Variants in CLASP2 observed in about 807,000 individuals in gnomAD.
The protein encoded by CLASP2 is cytoplasmic linker associated protein 2, also known as CLIP-associating protein 2.
A neutral mutation model predicts 194.4 loss-of-function variants in CLASP2; 47 were observed. The ratio of observed to expected loss-of-function variants is 0.24; its 90% CI spans 0.19 to 0.31. CLASP2 has a LOEUF of 0.31. Among genes scored for constraint, CLASP2 ranks in the 10% least tolerant of loss-of-function variants. CLASP2 has a pLI of 1.00. For synonymous variants in CLASP2, 619 were observed against 633.5 expected (o/e 0.98, Z 0.34); for missense variants, 1,445 against 1,823.6 (o/e 0.79, Z 3.78).
At chr3:33,579,694 C>A (rs958412930) in intron 23 of CLASP2, among the ~76,000 whole-genome samples, 3 of 152,070 alleles carry the variant, frequency 2.0e-5, no homozygotes, top group Non-Finnish European at 4.4e-5. Flanking sequence ...GAGTTTTTCA[C>A]GTATTTCTCA....
intron 29 of CLASP2, among the ~76,000 whole-genome samples, chr3:33,551,692 A>C (rs1021583344): frequency 3.3e-5 from 5 of 152,136 alleles, no homozygotes; most frequent in African/African-American, 1.2e-4. Context: ...TTTGTTTTTC[A>C]CACACAATCA....
Position 33,560,871 on chromosome 3 carries a change from T to C in CLASP2, c.2867A>G (p.Lys956Arg). The C allele has an allele frequency of 6.2e-7, 1 of 1,613,992 alleles. No individual in the cohort carries two copies. Among genetic ancestry groups the C allele is most frequent in the South Asian group, 1.1e-5 (1 of 91,078 alleles). ...AGATCCAAGCAAATCAGCACCCATT[T>C]TTTTTAGTAGTTGTGTCAGCAGTAC... ...LFVLLTQLLK[K>R]MGADLLGSVQ... is the part of the protein sequence containing the mutation. Residue 956 changes from lysine to arginine, a missense_variant, in exon 28 of 39, where the codon AAA (lysine) becomes AGA (arginine). By Grantham distance (26) the Lys-to-Arg change is conservative. Transcript: ENST00000682230.
chr3:33,572,911 A>G (rs1019882933), intron 25 of CLASP2, among the ~76,000 whole-genome samples, 199 bp downstream of exon 25: 3 of 139,538 alleles, frequency 2.1e-5, no homozygotes, highest in Non-Finnish European at 4.7e-5. Context: ...AGAACAAATA[A>G]TTTTTTTTTT....
At chr3:33,509,692 G>A (rs1310137539) in intron 37 of CLASP2, among the ~76,000 whole-genome samples, 1 of 152,016 alleles carries the variant, frequency 6.6e-6, no homozygotes, top group African/African-American at 2.4e-5. Flanking sequence ...ATATTAGTCA[G>A]CCATTAAAAT....
At chr3:33,696,993 A>G in intron 1 of CLASP2, 60 bp from the exon 2 acceptor site, 1 of 911,376 alleles carries the variant, frequency 1.1e-6, no homozygotes, top group Non-Finnish European at 1.7e-6. Context: ...TAATATCAGT[A>G]TTTAATTTTT....
At chr3:33,531,573 C>T (rs1405334564) in intron 34 of CLASP2, among the ~76,000 whole-genome samples, 5 of 152,208 alleles carry the variant, frequency 3.3e-5, no homozygotes, top group East Asian at 3.9e-4. Context: ...GTCAGGAGTT[C>T]GAGACCAGCC....
chr3:33,677,551 T>C (rs561607330), intron 6 of CLASP2, among the ~76,000 whole-genome samples: 2 of 100,682 alleles, frequency 2.0e-5, no homozygotes, highest in Admixed American at 1.3e-4. Context: ...CTGGGGACTG[T>C]TGTGGGGTGG....
At chr3:33,695,856 A>G (rs1209291767) in intron 2 of CLASP2, among the ~76,000 whole-genome samples, 1 of 152,200 alleles carries the variant, frequency 6.6e-6, no homozygotes, top group Non-Finnish European at 1.5e-5. Context: ...ATGCTGCTAT[A>G]TAATAGGATC....
intron 26 of CLASP2, among the ~76,000 whole-genome samples, chr3:33,569,918 G>C (rs1462820293): frequency 1.3e-5 from 2 of 151,986 alleles, no homozygotes; most frequent in South Asian, 4.2e-4. Flanking sequence ...AATGAGATGT[G>C]CAACAATAAA....
At chr3:33,592,010 G>A (rs1181529304) in intron 21 of CLASP2, among the ~76,000 whole-genome samples, 3 of 152,170 alleles carry the variant, frequency 2.0e-5, no homozygotes, top group Admixed American at 6.5e-5. Context: ...AAGTTTCTGA[G>A]TAGAATGTGA....
intron 6 of CLASP2, among the ~76,000 whole-genome samples, chr3:33,680,431 A>AGAGGCTAG (rs930163742): frequency 6.6e-6 from 1 of 152,226 alleles, no homozygotes; most frequent in African/African-American, 2.4e-5. Flanking sequence ...TGATAATGGG[A>AGAGGCTAG]GAGGCTAGGC....
chr3:33,680,173 G>C lies in CLASP2; in HGVS notation c.644+4186C>G, dbSNP rs560924274. Reference sequence around the variant, plus strand: ...TGTAACTATATGGAGACAGTAAAAAGATGAATGTTGCCAAGGATTAGGCCA... The same window carrying C: ...TGTAACTATATGGAGACAGTAAAAACATGAATGTTGCCAAGGATTAGGCCA... On this transcript the variant is annotated intron_variant, in intron 6 of 38. Transcript: ENST00000682230. Among the ~76,000 whole-genome samples, 9 of 152,312 alleles carry C rather than the reference G, an allele frequency of 5.9e-5. No individual in the cohort carries two copies. In the South Asian group the frequency reaches 1.7e-3, roughly 28 times the overall value.
chr3:33,618,774 T>C (rs2076636831), intron 12 of CLASP2, among the ~76,000 whole-genome samples: 1 of 152,218 alleles, frequency 6.6e-6, no homozygotes, highest in South Asian at 2.1e-4. Context: ...AAAGTACACA[T>C]TAAATTGCTA....
intron 19 of CLASP2, among the ~76,000 whole-genome samples, chr3:33,596,338 C>G (rs1274950402): frequency 6.6e-6 from 1 of 152,052 alleles, no homozygotes; most frequent in Non-Finnish European, 1.5e-5. Context: ...TGTCATATCA[C>G]TTAATAGACT....
intron 1 of CLASP2, among the ~76,000 whole-genome samples, chr3:33,702,688 G>C (rs940391643): frequency 3.9e-5 from 6 of 152,068 alleles, no homozygotes; most frequent in African/African-American, 1.4e-4. Context: ...GAAAATAATT[G>C]TAAAACATAT....
chr3:33,507,408 G>C (rs2048567511), intron 37 of CLASP2, among the ~76,000 whole-genome samples: 1 of 152,202 alleles, frequency 6.6e-6, no homozygotes. Flanking sequence ...TCTATTCTCT[G>C]AACTTCCTTT....
At chr3:33,544,384 G>C (rs1169478951) in intron 31 of CLASP2, among the ~76,000 whole-genome samples, 1 of 152,132 alleles carries the variant, frequency 6.6e-6, no homozygotes, top group Non-Finnish European at 1.5e-5. Context: ...TTCATCTAAA[G>C]AGCATGTCCT....
intron 35 of CLASP2, among the ~76,000 whole-genome samples, chr3:33,516,416 C>T (rs1342026582): frequency 2.6e-5 from 4 of 152,016 alleles, no homozygotes; most frequent in African/African-American, 4.8e-5. Flanking sequence ...GCCAGTAATC[C>T]CAGCTCTTTG....
intron 8 of CLASP2, among the ~76,000 whole-genome samples, chr3:33,635,932 A>C (rs2080050633): frequency 6.6e-6 from 1 of 152,212 alleles, no homozygotes; most frequent in South Asian, 2.1e-4. Context: ...ATTGAGGAAA[A>C]TATAAACATC....
Sources: gnomAD v4.1 joint callset for allele counts (sites outside exome capture counted in the v4.1 genomes callset) on GRCh38, gnomAD v4.1.1 for gene constraint, MANE v1.5 for transcripts, NCBI Gene and HGNC (gene_info 2026-07-23, HGNC 2026-07-21) for gene names.